The following APBA2 variants were observed in gnomAD, a reference collection of about 807,000 sequenced individuals.
APBA2 encodes the protein amyloid beta precursor protein binding family A member 2.
Under a neutral mutation model 75.0 loss-of-function variants are expected in APBA2, and 30 were observed. The observed-to-expected ratio is 0.40, with a 90% CI of 0.30 to 0.54. The LOEUF is 0.54. APBA2 is among the 20% of genes least tolerant of loss of function. The pLI, the probability that APBA2 is intolerant of heterozygous loss-of-function variation, is 0.49. For synonymous variants in APBA2, 444 were observed against 409.6 expected (o/e 1.08, Z -1.01); for missense variants, 801 against 1,016.1 (o/e 0.79, Z 2.88).
In APBA2 at chr15:28,906,475, TGCATGGGGTTGTTTCCGTA is replaced by T. The variant is rs1167976070; in HGVS notation, c.-204-15160_-204-15142del. On this transcript the variant is annotated intron_variant, in intron 1 of 14. Transcript: ENST00000683413. ...GTCTCGTACATTAAACTCTTGTGTC[TGCATGGGGTTGTTTCCGTA>T]GCATAGGTTCCTAGAAGTGGACTTG... 2.6e-5 allele frequency among the ~76,000 whole-genome samples: 4 copies of T among 152,248 alleles called. No individual in the cohort carries two copies. The East Asian group carries it at 7.7e-4, about 29-fold the overall frequency.
At chr15:29,021,258 G>A (rs1281338550) in intron 3 of APBA2, among the ~76,000 whole-genome samples, 1 of 152,192 alleles carries the variant, frequency 6.6e-6, no homozygotes, top group Admixed American at 6.5e-5. Flanking sequence ...GCCAGGCACA[G>A]TGGCTCATGC....
At chr15:28,935,126 G>A (rs1312161572) in intron 2 of APBA2, among the ~76,000 whole-genome samples, 2 of 152,172 alleles carry the variant, frequency 1.3e-5, no homozygotes, top group African/African-American at 4.8e-5. Flanking sequence ...GGAGAGACTG[G>A]TATTTCTCCA....
Position 29,038,919 on chromosome 15 carries a change from G to A in APBA2, c.-40-14926G>A, listed in dbSNP as rs533051906. 4.4e-4 allele frequency among the ~76,000 whole-genome samples: 67 copies of A among 152,034 alleles called. 1 individual carries two copies. The highest frequency in any genetic ancestry group is 2.6e-3 in the Admixed American group (39 of 15,276). On this transcript the variant is annotated intron_variant, in intron 3 of 14. Coordinates refer to ENST00000683413, the MANE Select transcript of APBA2 (RefSeq NM_001353788.2). ...AAACTCCTGACCTCATGATCTGCCC[G>A]CCTTGGCCTCCCAAAGTGCTGGGAT...
At chr15:28,969,041 C>G (rs894060689) in intron 2 of APBA2, among the ~76,000 whole-genome samples, 3 of 152,090 alleles carry the variant, frequency 2.0e-5, no homozygotes, top group South Asian at 4.2e-4. Flanking sequence ...GAAGTCAAGG[C>G]AGGAGGATCA....
chr15:28,909,604 G>A (rs1566790263), intron 1 of APBA2, among the ~76,000 whole-genome samples: 1 of 152,146 alleles, frequency 6.6e-6, no homozygotes, highest in African/African-American at 2.4e-5. Flanking sequence ...GGGTGGACAG[G>A]CCAAAGCTAC....
chr15:29,091,157 TG>T (rs1281930379), intron 6 of APBA2, among the ~76,000 whole-genome samples: 2 of 152,154 alleles, frequency 1.3e-5, no homozygotes, highest in African/African-American at 4.8e-5. Flanking sequence ...CATTGGTGCC[TG>T]CAGCCCTGCC....
chr15:28,928,635 G>A (rs72714171), intron 2 of APBA2, among the ~76,000 whole-genome samples: 2,503 of 152,278 alleles, frequency 0.016, 31 homozygotes, highest in Middle Eastern at 0.051. Context: ...CCCTTCCTCC[G>A]TGGCTTTGCA....
At chr15:28,935,578 G>A (rs763497207) in intron 2 of APBA2, among the ~76,000 whole-genome samples, 1 of 152,174 alleles carries the variant, frequency 6.6e-6, no homozygotes, top group South Asian at 2.1e-4. Flanking sequence ...GAAGTTCAGG[G>A]TTGCAGCGCC....
At chr15:29,056,639 C>G (rs1433577212) in intron 4 of APBA2, among the ~76,000 whole-genome samples, 2 of 76,198 alleles carry the variant, frequency 2.6e-5, no homozygotes, top group African/African-American at 2.2e-4. Flanking sequence ...CCTCCCTCCT[C>G]TCTCTCTCTC....
intron 9 of APBA2, among the ~76,000 whole-genome samples, chr15:29,098,782 G>A (rs2043977705): frequency 6.6e-6 from 1 of 152,138 alleles, no homozygotes; most frequent in Non-Finnish European, 1.5e-5. Flanking sequence ...GGCTCTGCGG[G>A]CGGGAGGTAG....
intron 3 of APBA2, among the ~76,000 whole-genome samples, chr15:29,036,327 T>C (rs912486180): frequency 1.3e-5 from 2 of 152,196 alleles, no homozygotes; most frequent in African/African-American, 4.8e-5. Flanking sequence ...AGTAGACAAA[T>C]GTCCCCAGGT....
intron 6 of APBA2, among the ~76,000 whole-genome samples, chr15:29,086,797 T>G (rs1160964132): frequency 6.6e-6 from 1 of 152,228 alleles, no homozygotes; most frequent in Non-Finnish European, 1.5e-5. Flanking sequence ...CTCTTAGTTA[T>G]TTGGACTTTG....
chr15:29,024,841 C>A (rs2040135340), intron 3 of APBA2, among the ~76,000 whole-genome samples: 1 of 152,074 alleles, frequency 6.6e-6, no homozygotes, highest in Admixed American at 6.6e-5. Context: ...GCTCGTGTTG[C>A]CCATGGTGAG....
chr15:29,087,762 A>C (rs1486350005), intron 6 of APBA2, among the ~76,000 whole-genome samples: 1 of 151,954 alleles, frequency 6.6e-6, no homozygotes, highest in Non-Finnish European at 1.5e-5. Context: ...CCTAGGGGGC[A>C]CTTCAGGGGG....
At chr15:29,041,695 C>T (rs530030265) in intron 3 of APBA2, among the ~76,000 whole-genome samples, 33 of 152,088 alleles carry the variant, frequency 2.2e-4, no homozygotes, top group African/African-American at 7.5e-4. Flanking sequence ...CTCCCCAAAT[C>T]GACCTATAGA....
At chr15:29,103,957 C>T (rs571375238) in intron 10 of APBA2, among the ~76,000 whole-genome samples, 2 of 152,346 alleles carry the variant, frequency 1.3e-5, no homozygotes, top group Admixed American at 6.5e-5. Context: ...GCGCCTCCAG[C>T]TGGGTCTGTG....
chr15:28,979,351 T>C (rs2037504706), intron 2 of APBA2, among the ~76,000 whole-genome samples: 2 of 152,222 alleles, frequency 1.3e-5, no homozygotes, highest in South Asian at 4.1e-4. Flanking sequence ...AAATGGTGTC[T>C]GCTGGAATTT....
chr15:28,954,923 C>G lies in APBA2; in HGVS notation c.-95+33174C>G, dbSNP rs146158755. On this transcript the variant is annotated intron_variant, in intron 2 of 14. Coordinates refer to ENST00000683413, the MANE Select transcript of APBA2 (RefSeq NM_001353788.2). ...TTTCTGTCCAGGAGGGTCCCTCACTCTGGCCCTCAGGGCCATGTGCATGTG... is the reference window on the plus strand; with the variant it reads ...TTTCTGTCCAGGAGGGTCCCTCACTGTGGCCCTCAGGGCCATGTGCATGTG... 5.3e-5 allele frequency among the ~76,000 whole-genome samples: 8 copies of G among 152,258 alleles called. No individual in the cohort carries two copies. The East Asian group carries it at 1.6e-3, about 30-fold the overall frequency.
intron 2 of APBA2, among the ~76,000 whole-genome samples, chr15:28,930,173 G>A (rs1176633062): frequency 6.6e-6 from 1 of 152,202 alleles, no homozygotes. Context: ...GAATGGGCTG[G>A]CAGGGCTGCA....
Sources: allele counts gnomAD v4.1 joint callset (sites outside exome capture counted in the v4.1 genomes callset), GRCh38; gene constraint gnomAD v4.1.1; transcripts MANE v1.5; gene names NCBI Gene and HGNC (gene_info 2026-07-23, HGNC 2026-07-21).